Variants in ATP2C2 observed in about 807,000 individuals in gnomAD.
ATP2C2 encodes the protein ATPase secretory pathway Ca2+ transporting 2, also known as calcium-transporting ATPase type 2C member 2.
A neutral mutation model predicts 110.8 loss-of-function variants in ATP2C2; 171 were observed. The ratio of observed to expected loss-of-function variants is 1.54; its 90% confidence interval spans 1.36 to 1.75. The LOEUF is 1.75. Ranked by LOEUF, ATP2C2 falls within the 40% of genes most tolerant of loss-of-function variation. The probability of loss-of-function intolerance (pLI) is 0.00; values close to 1 mark genes in which losing one functional copy is unlikely to be tolerated. For missense variants in ATP2C2, 1,963 were observed against 1,235.0 expected, an observed-to-expected ratio of 1.59 and a Z score of -8.84; for synonymous variants, 804 against 508.4, an observed-to-expected ratio of 1.58 and a Z score of -7.82.
chr16:84,415,032 C>T (rs923204031), intron 6 of ATP2C2, among the ~76,000 whole-genome samples: 1 of 152,128 alleles, frequency 6.6e-6, no homozygotes, highest in Admixed American at 6.5e-5. Context: ...AGTCTGAGGG[C>T]AGCTGGTCAT....
At chr16:84,431,034 T>C (rs1368262334) in intron 11 of ATP2C2, among the ~76,000 whole-genome samples, 1 of 152,122 alleles carries the variant, frequency 6.6e-6, no homozygotes, top group East Asian at 1.9e-4. Context: ...CTGTTGACTC[T>C]CTGTTTACAT....
At chr16:84,388,738 C>T (rs928988244) in intron 1 of ATP2C2, among the ~76,000 whole-genome samples, 4 of 152,098 alleles carry the variant, frequency 2.6e-5, no homozygotes, top group African/African-American at 9.7e-5. Flanking sequence ...AATTACGTGC[C>T]CTATATTGTG....
intron 1 of ATP2C2, 110 bp from the exon 2 acceptor site, chr16:84,398,387 CAG>C (rs1905118340): frequency 1.9e-6 from 1 of 516,044 alleles, no homozygotes; most frequent in Non-Finnish European, 3.0e-6. Flanking sequence ...GCCTGGGTGA[CAG>C]AGTGAGACTC....
chr16:84,442,642 G>C, intron 15 of ATP2C2, 43 bp downstream of exon 15: 2 of 1,576,192 alleles, frequency 1.3e-6, no homozygotes, highest in South Asian at 1.1e-5. Flanking sequence ...TCTTTCGCTC[G>C]GGGCTGGATT....
chr16:84,410,766 G>A lies in ATP2C2; in HGVS notation c.515+1G>A. ...AGCTGGTTCCTCCAGAATGTAACTG[G>A]TAAGTCAGAGCCTCCCTGGGACTTT... On this transcript the variant is annotated splice_donor_variant, in intron 6 of 26. Transcript: ENST00000262429. LOFTEE classifies it high-confidence loss of function. 2 of 1,613,834 alleles carry A rather than the reference G, an allele frequency of 1.2e-6. No homozygotes were observed. The highest frequency in any genetic ancestry group is 1.7e-6 in the Non-Finnish European group (2 of 1,179,756).
At position 84,463,658 on chromosome 16, in the gene ATP2C2, T is replaced by G. The variant is rs1275484075; in HGVS notation, c.2767T>G (p.Ser923Ala). The G allele has an allele frequency of 1.2e-6, 2 of 1,614,240 alleles. No homozygotes were observed. The highest frequency in any genetic ancestry group is 1.7e-6 in the Non-Finnish European group (2 of 1,180,046). ...ATTGGCCTCATCCGTCTTCATTTTG[T>G]CAGAGCTCCTCAAACTATGTGAAAA... ...TGLASSVFIL[S>A]ELLKLCEKYC... The change falls in exon 27 of 27, where the codon TCA becomes GCA. Residue 923 changes from serine (S) to alanine (A), a missense_variant. Coordinates refer to ENST00000262429, the MANE Select transcript of ATP2C2 (RefSeq NM_014861.4).
At chr16:84,433,290 G>A (rs1908441645) in intron 11 of ATP2C2, among the ~76,000 whole-genome samples, 1 of 152,148 alleles carries the variant, frequency 6.6e-6, no homozygotes, top group African/African-American at 2.4e-5. Flanking sequence ...GGCTGAGGCG[G>A]GAGGATTGCT....
At chr16:84,429,426 T>G (rs989318752) in intron 11 of ATP2C2, among the ~76,000 whole-genome samples, 2 of 152,246 alleles carry the variant, frequency 1.3e-5, no homozygotes, top group African/African-American at 4.8e-5. Context: ...GTGCTGGGAT[T>G]ACAGGTGTGA....
At chr16:84,439,726 C>T (rs1909074136) in intron 13 of ATP2C2, among the ~76,000 whole-genome samples, 1 of 152,150 alleles carries the variant, frequency 6.6e-6, no homozygotes. Context: ...TTTAAGGTAG[C>T]CTCCTTTTTT....
In ATP2C2 at chr16:84,405,218, C is replaced by G. The variant is rs1173571569; in HGVS notation, c.301C>G (p.Pro101Ala). ...TGAGTTTGTTGCTGACAACAGCGAACCTGTGTGGAAGAAATACCTGGATCA... is the reference window on the plus strand; with the variant it reads ...TGAGTTTGTTGCTGACAACAGCGAAGCTGTGTGGAAGAAATACCTGGATCA... ...WNEFVADNSEPVWKKYLDQFK... is the reference protein window; with the variant it reads ...WNEFVADNSEAVWKKYLDQFK... The change falls in exon 3 of 27, where the codon CCT becomes GCT. Residue 101 changes from proline (P) to alanine (A), a missense_variant. Physicochemically the swap from Pro to Ala is conservative, Grantham distance 27. Transcript: ENST00000262429. The G allele has an allele frequency of 1.2e-6, 2 of 1,613,824 alleles. No homozygotes were observed. Among genetic ancestry groups the G allele is most frequent in the African/African-American group, 1.3e-5 (1 of 74,876 alleles).
rs554114956 is a variant in ATP2C2, at chr16:84,412,533, T to C, written c.515+1768T>C. 8.4e-5 allele frequency among the ~76,000 whole-genome samples: 12 copies of C among 143,124 alleles called. No homozygotes were observed. In the South Asian group the frequency reaches 2.9e-3, roughly 34 times the overall value. The allele number at this position is 143,124 out of a possible 152,430, so 93.9% of individuals were successfully genotyped here. ...CTGTGTGTGTCTGTGTGTGCATGTGTCTGTGTGTGTATGCGTGTGTGTGTG... is the reference window on the plus strand; with the variant it reads ...CTGTGTGTGTCTGTGTGTGCATGTGCCTGTGTGTGTATGCGTGTGTGTGTG... On this transcript the variant is annotated intron_variant, in intron 6 of 26. Transcript: ENST00000262429.
chr16:84,459,409 C>T lies in ATP2C2; in HGVS notation c.2333+23C>T, dbSNP rs752686063. On this transcript the variant is annotated intron_variant, in intron 23 of 26. Coordinates refer to ENST00000262429, the MANE Select transcript of ATP2C2 (RefSeq NM_014861.4). ...GAGGTGAGGCAGGGCCGGCTGGGAG[C>T]CCTGTGTCTCTTTACCCACCTGCGG... 4.3e-6 allele frequency: 7 copies of T among 1,610,622 alleles called. No individual in the cohort carries two copies. In the African/African-American group the frequency reaches 5.3e-5, roughly 12 times the overall value.
intron 17 of ATP2C2, among the ~76,000 whole-genome samples, chr16:84,451,317 G>A (rs1772588038): frequency 6.6e-6 from 1 of 152,150 alleles, no homozygotes; most frequent in Non-Finnish European, 1.5e-5. Flanking sequence ...GGGAATTATG[G>A]GAGCTACAGT....
rs59552270 is a variant in ATP2C2, at chr16:84,419,208, TAAAAAAAAAAAAAA to T, written c.625-3165_625-3152del. Reference sequence around the variant, plus strand: ...GGGTGACAGAGTGAGACCCCATCTTTAAAAAAAAAAAAAAAAAAAAAAAAAAAAAAGTGCTACTG... The same window carrying T: ...GGGTGACAGAGTGAGACCCCATCTTTAAAAAAAAAAAAAAAAGTGCTACTG... On this transcript the variant is annotated intron_variant, in intron 7 of 26. Transcript: ENST00000262429. 4.0e-3 allele frequency among the ~76,000 whole-genome samples: 192 copies of T among 47,510 alleles called. 1 individual carries two copies. The highest frequency in any genetic ancestry group is 0.017 in the Middle Eastern group (1 of 58). The allele number at this position is 47,510 out of a possible 152,430, so 31.2% of individuals were successfully genotyped here.
chr16:84,375,632 C>T (rs139838665), intron 1 of ATP2C2, among the ~76,000 whole-genome samples: 5 of 152,086 alleles, frequency 3.3e-5, no homozygotes, highest in South Asian at 2.1e-4. Context: ...GTGGATTCCA[C>T]GATTCTTTTG....
chr16:84,373,013 C>T (rs1042636049), intron 1 of ATP2C2, among the ~76,000 whole-genome samples: 24 of 149,848 alleles, frequency 1.6e-4, no homozygotes, highest in Admixed American at 9.4e-4. Context: ...CCAGCTACTG[C>T]GGAGGCTGAG....
chr16:84,372,236 C>T (rs981783018), intron 1 of ATP2C2, among the ~76,000 whole-genome samples: 1 of 152,158 alleles, frequency 6.6e-6, no homozygotes, highest in Non-Finnish European at 1.5e-5. Flanking sequence ...AACATTAGAA[C>T]TGTGATAAAA....
rs183536571 is a variant in ATP2C2 at position 84,402,440 on chromosome 16, T to C, written c.211-2688T>C. Among the ~76,000 whole-genome samples the C allele has an allele frequency of 3.3e-5, 5 of 152,368 alleles. No individual in the cohort carries two copies. In the East Asian group the frequency reaches 5.8e-4, roughly 18 times the overall value. Reference sequence around the variant, plus strand: ...TTCAATATGACACTAGCCCTGGGTCTGTCATATATGGCTTTTATTACATTG... The same window carrying C: ...TTCAATATGACACTAGCCCTGGGTCCGTCATATATGGCTTTTATTACATTG... On this transcript the variant is annotated intron_variant, in intron 2 of 26. Transcript: ENST00000262429.
At chr16:84,442,424 A>G (rs564128229) in intron 14 of ATP2C2, 86 bp from the exon 15 acceptor site, 2 of 1,272,500 alleles carry the variant, frequency 1.6e-6, no homozygotes, top group South Asian at 2.4e-5. Flanking sequence ...CCACAACCCC[A>G]GCTGTAAAAA....
Sources: allele counts gnomAD v4.1 joint callset (sites outside exome capture counted in the v4.1 genomes callset), GRCh38; gene constraint gnomAD v4.1.1; transcripts MANE v1.5; gene names NCBI Gene and HGNC (gene_info 2026-07-23, HGNC 2026-07-21).